Variants in BBS9 observed in about 807,000 individuals in gnomAD.
BBS9 encodes protein PTHB1.
Under a neutral mutation model 117.7 loss-of-function variants are expected in BBS9, and 89 were observed. The observed-to-expected ratio is 0.76, with a 90% CI of 0.64 to 0.90. BBS9 has a LOEUF of 0.90. Among genes scored for constraint, BBS9 ranks in the 40% least tolerant of loss-of-function variants. BBS9 has a pLI of 0.00. For missense variants in BBS9, 982 were observed against 1,042.2 expected (o/e 0.94, Z 0.80); for synonymous variants, 379 against 370.9 (o/e 1.02, Z -0.25).
At chr7:33,502,747 TACA>T (rs1331562663) in intron 19 of BBS9, among the ~76,000 whole-genome samples, 2 of 152,148 alleles carry the variant, frequency 1.3e-5, no homozygotes, top group Admixed American at 1.3e-4. Context: ...TCTCTGAACC[TACA>T]ACATGCTTAA....
chr7:33,462,269 T>A (rs1839571343), intron 19 of BBS9, among the ~76,000 whole-genome samples: 1 of 152,236 alleles, frequency 6.6e-6, no homozygotes, highest in African/African-American at 2.4e-5. Context: ...GTCTTTTGTA[T>A]CCCAGATATA....
rs562532294 is a variant in BBS9, at chr7:33,465,746, CAT to C, written c.2116-39716_2116-39715del. Among the ~76,000 whole-genome samples, 197 of 152,098 alleles carry C rather than the reference CAT, an allele frequency of 1.3e-3. 2 individuals are homozygous for C. Among genetic ancestry groups the C allele is most frequent in the Non-Finnish European group, 2.1e-3 (144 of 68,016 alleles). ...TGGATTGAGTTAATACATATGGATA[CAT>C]GTTTACTTAGAACAGTGCATGGCAC... On this transcript the variant is annotated intron_variant, in intron 19 of 22. Coordinates refer to ENST00000242067, the MANE Select transcript of BBS9 (RefSeq NM_198428.3).
At chr7:33,451,917 T>C (rs1057248535) in intron 19 of BBS9, among the ~76,000 whole-genome samples, 3 of 152,164 alleles carry the variant, frequency 2.0e-5, no homozygotes, top group African/African-American at 7.2e-5. Context: ...CACTGCAATC[T>C]TTACCTCTTG....
At position 33,328,993 on chromosome 7, in the gene BBS9, T is replaced by TTTTATTTATTTATTTA. The variant is rs35454084; in HGVS notation, c.1017-7428_1017-7413dup. Among the ~76,000 whole-genome samples the TTTTATTTATTTATTTA allele has an allele frequency of 7.7e-3, 1,114 of 145,436 alleles. 9 individuals carry two copies. Among genetic ancestry groups the TTTTATTTATTTATTTA allele is most frequent in the Non-Finnish European group, 0.01 (684 of 66,362 alleles). On this transcript the variant is annotated intron_variant, in intron 9 of 22. Coordinates refer to ENST00000242067, the MANE Select transcript of BBS9 (RefSeq NM_198428.3). ...TTAAAAAAGGATAAGGTTTTCCTTC[T>TTTTATTTATTTATTTA]TTTATTTATTTATTTATTTATTTAT...
At chr7:33,541,682 G>A (rs971328277) in intron 21 of BBS9, among the ~76,000 whole-genome samples, 7 of 152,284 alleles carry the variant, frequency 4.6e-5, no homozygotes, top group African/African-American at 7.2e-5. Flanking sequence ...TACGGTAAGC[G>A]AAAGAAGCCA....
chr7:33,616,610 G>A (rs1156977887), intron 21 of BBS9, among the ~76,000 whole-genome samples: 2 of 150,094 alleles, frequency 1.3e-5, no homozygotes, highest in South Asian at 4.2e-4. Flanking sequence ...AAAAATGGGG[G>A]GTGGGCAAGA....
chr7:33,237,329 T>G (rs1440455096), intron 5 of BBS9, among the ~76,000 whole-genome samples: 1 of 152,210 alleles, frequency 6.6e-6, no homozygotes, highest in African/African-American at 2.4e-5. Context: ...CAGACTTTTG[T>G]TCTTCTTTGA....
In BBS9 at chr7:33,383,858, A is replaced by G; in HGVS notation, c.1962+20A>G. On this transcript the variant is annotated intron_variant, in intron 18 of 22. Coordinates refer to ENST00000242067, the MANE Select transcript of BBS9 (RefSeq NM_198428.3). ...TTTGAGGTATGTATGATCATAACCC[A>G]CATCATCTATAATCCTTAAATATAT... The G allele has an allele frequency of 6.2e-7, 1 of 1,604,342 alleles. No individual in the cohort carries two copies. The highest frequency in any genetic ancestry group is 8.5e-7 in the Non-Finnish European group (1 of 1,173,756).
At chr7:33,442,219 A>G (rs1016506121) in intron 19 of BBS9, among the ~76,000 whole-genome samples, 13 of 152,056 alleles carry the variant, frequency 8.5e-5, no homozygotes, top group African/African-American at 2.9e-4. Flanking sequence ...AGAAATTTCC[A>G]CTTTCAGTCA....
intron 7 of BBS9, among the ~76,000 whole-genome samples, chr7:33,265,658 A>G (rs1015746142): frequency 2.0e-5 from 3 of 152,116 alleles, no homozygotes; most frequent in Admixed American, 1.3e-4. Context: ...CAGCCTGGCC[A>G]ACATGGAGAA....
At chr7:33,189,638 A>G (rs1583542994) in intron 5 of BBS9, among the ~76,000 whole-genome samples, 1 of 151,982 alleles carries the variant, frequency 6.6e-6, no homozygotes, top group African/African-American at 2.4e-5. Flanking sequence ...CTGTAATCCC[A>G]GCACTTTGGG....
At chr7:33,406,859 C>T (rs1383590698) in intron 19 of BBS9, among the ~76,000 whole-genome samples, 1 of 152,142 alleles carries the variant, frequency 6.6e-6, no homozygotes, top group African/African-American at 2.4e-5. Context: ...TCTCTGACTG[C>T]CCTTAACATT....
intron 20 of BBS9, among the ~76,000 whole-genome samples, chr7:33,529,150 C>G (rs1039800291): frequency 1.3e-5 from 2 of 152,208 alleles, no homozygotes; most frequent in African/African-American, 4.8e-5. Flanking sequence ...AAGGGCACAC[C>G]AGCAATCACA....
chr7:33,588,078 A>T (rs1861246464), intron 21 of BBS9, among the ~76,000 whole-genome samples: 1 of 152,066 alleles, frequency 6.6e-6, no homozygotes, highest in Non-Finnish European at 1.5e-5. Context: ...TGGAATTACA[A>T]ATGCTCTGTT....
intron 9 of BBS9, among the ~76,000 whole-genome samples, chr7:33,334,478 T>C (rs970790765): frequency 6.6e-6 from 1 of 152,148 alleles, no homozygotes; most frequent in African/African-American, 2.4e-5. Flanking sequence ...CTAGCTAGAA[T>C]GCGGAACAGA....
intron 9 of BBS9, among the ~76,000 whole-genome samples, chr7:33,322,712 GTTTTC>G (rs1227797593): frequency 2.6e-5 from 4 of 151,330 alleles, no homozygotes; most frequent in Non-Finnish European, 4.4e-5. Flanking sequence ...TTTTTGTATT[GTTTTC>G]TTTATTTCAA....
intron 6 of BBS9, among the ~76,000 whole-genome samples, chr7:33,261,078 T>C (rs180879650): frequency 0.015 from 2,345 of 151,982 alleles, 65 homozygotes; most frequent in African/African-American, 0.053. Context: ...TTTTTTTTTT[T>C]CCCACATACT....
intron 5 of BBS9, among the ~76,000 whole-genome samples, chr7:33,215,996 C>A (rs201533976): frequency 8.4e-4 from 4 of 4,782 alleles, no homozygotes; most frequent in Non-Finnish European, 1.9e-3. Flanking sequence ...ATGCTGATTC[C>A]ATTCAGCAGG....
intron 20 of BBS9, among the ~76,000 whole-genome samples, chr7:33,517,548 G>C (rs189204155): frequency 6.6e-6 from 1 of 152,164 alleles, no homozygotes; most frequent in African/African-American, 2.4e-5. Context: ...GTGAGCACCC[G>C]TTGCCGCTCA....
Sources: allele counts gnomAD v4.1 joint callset (sites outside exome capture counted in the v4.1 genomes callset), GRCh38; gene constraint gnomAD v4.1.1; transcripts MANE v1.5; gene names NCBI Gene and HGNC (gene_info 2026-07-23, HGNC 2026-07-21).